Variants in KIF25 observed in about 807,000 individuals in gnomAD.
The protein encoded by KIF25 is kinesin family member 25.
A neutral mutation model predicts 32.9 loss-of-function variants in KIF25; 19 were observed. The ratio of observed to expected loss-of-function variants is 0.58; its 90% CI spans 0.40 to 0.85. The LOEUF (loss-of-function observed/expected upper bound fraction) is 0.85. KIF25 is among the 40% of genes least tolerant of loss of function. KIF25 has a pLI of 0.00. For missense variants in KIF25, 485 were observed against 507.0 expected, an observed-to-expected ratio of 0.96 and a Z score of 0.42; for synonymous variants, 225 against 213.7, an observed-to-expected ratio of 1.05 and a Z score of -0.46.
intron 4 of KIF25, among the ~76,000 whole-genome samples, chr6:168,007,285 G>A (rs1798592340): frequency 1.3e-5 from 2 of 152,136 alleles, no homozygotes; most frequent in South Asian, 4.1e-4. Context: ...GGTGGTGGGC[G>A]CCTGTAGTCC....
At chr6:168,016,673 G>A (rs189306614) in intron 4 of KIF25, among the ~76,000 whole-genome samples, 5 of 152,320 alleles carry the variant, frequency 3.3e-5, no homozygotes, top group East Asian at 1.9e-4. Flanking sequence ...CTTTGGCTTC[G>A]GTGACTTCAT....
Position 168,002,255 on chromosome 6 carries a change from G to A in KIF25, c.-369-288G>A, listed in dbSNP as rs189901327. Among the ~76,000 whole-genome samples, 135 of 113,946 alleles carry A rather than the reference G, an allele frequency of 1.2e-3. 9 individuals are homozygous for A. In the East Asian group the frequency reaches 0.029, roughly 25 times the overall value. The allele number at this position is 113,946 out of a possible 152,430, so 74.8% of individuals were successfully genotyped here. On this transcript the variant is annotated intron_variant, in intron 2 of 12. Coordinates refer to ENST00000643607, the MANE Select transcript of KIF25 (RefSeq NM_030615.4). Reference sequence around the variant, plus strand: ...CAGGTGAGAAAGACACCTGAGGCATGGCCTCGGGCAGGTGAGAAGACACCT... The same window carrying A: ...CAGGTGAGAAAGACACCTGAGGCATAGCCTCGGGCAGGTGAGAAGACACCT...
At chr6:168,031,519 T>TC (rs1798942003) in intron 7 of KIF25, among the ~76,000 whole-genome samples, 1 of 151,672 alleles carries the variant, frequency 6.6e-6, no homozygotes, top group South Asian at 2.1e-4. Flanking sequence ...AGGCACATGA[T>TC]CCAACGAGTA....
At chr6:168,040,564 T>TAAAAAA (rs552500284) in intron 10 of KIF25, among the ~76,000 whole-genome samples, 1 of 146,052 alleles carries the variant, frequency 6.8e-6, no homozygotes, top group African/African-American at 2.5e-5. Flanking sequence ...AAAACTCTGT[T>TAAAAAA]AAAAAAAAAA....
intron 4 of KIF25, among the ~76,000 whole-genome samples, chr6:168,014,233 G>A (rs1798685393): frequency 6.6e-6 from 1 of 152,124 alleles, no homozygotes; most frequent in African/African-American, 2.4e-5. Flanking sequence ...GTTTTTCAGT[G>A]AGGAAATGCA....
chr6:168,011,058 A>T (rs1798641599), intron 4 of KIF25, among the ~76,000 whole-genome samples: 1 of 152,068 alleles, frequency 6.6e-6, no homozygotes, highest in Admixed American at 6.5e-5. Flanking sequence ...TTGTTCTTTA[A>T]TCTGTCAGGC....
chr6:168,028,208 AATTT>A (rs1798891863), intron 5 of KIF25, among the ~76,000 whole-genome samples: 2 of 152,006 alleles, frequency 1.3e-5, no homozygotes, highest in African/African-American at 4.8e-5. Flanking sequence ...AATATTTTAA[AATTT>A]ATTTATTTAA....
chr6:168,017,790 A>G (rs905873085), intron 4 of KIF25, 183 bp from the exon 5 acceptor site: 3 of 152,198 alleles, frequency 2.0e-5, no homozygotes, highest in African/African-American at 7.2e-5. Flanking sequence ...CTCCAACTCA[A>G]TCATCCAGCT....
chr6:168,037,790 A>T (rs1326814492), intron 8 of KIF25, among the ~76,000 whole-genome samples: 1 of 152,098 alleles, frequency 6.6e-6, no homozygotes, highest in East Asian at 1.9e-4. Context: ...GTCTCAGCTC[A>T]CTGAAACCTG....
At chr6:168,027,030 A>G (rs1047279177) in intron 5 of KIF25, among the ~76,000 whole-genome samples, 2 of 152,090 alleles carry the variant, frequency 1.3e-5, no homozygotes, top group Non-Finnish European at 2.9e-5. Flanking sequence ...AGCTGTAGGG[A>G]CCGTTCCCAG....
chr6:168,022,490 A>G (rs1303848572), intron 5 of KIF25, among the ~76,000 whole-genome samples: 1 of 152,150 alleles, frequency 6.6e-6, no homozygotes, highest in East Asian at 1.9e-4. Context: ...CAGTGCTGCA[A>G]TCATAGCTCT....
chr6:168,043,904 G>C (rs1328003913), intron 12 of KIF25, among the ~76,000 whole-genome samples: 1 of 152,252 alleles, frequency 6.6e-6, no homozygotes, highest in Non-Finnish European at 1.5e-5. Context: ...TTCCTCAGGA[G>C]GAGAAGTCCT....
intron 4 of KIF25, among the ~76,000 whole-genome samples, chr6:168,007,135 G>A (rs1340405164): frequency 6.6e-6 from 1 of 152,200 alleles, no homozygotes; most frequent in Admixed American, 6.5e-5. Flanking sequence ...TTACAACTGA[G>A]CATGGTGGCT....
Position 168,040,152 on chromosome 6 carries a change from T to A in KIF25, c.582T>A (p.Asp194Glu), listed in dbSNP as rs184677574. 1.1e-4 allele frequency: 180 copies of A among 1,614,100 alleles called. No homozygotes were observed. The East Asian group carries it at 3.7e-3, about 33-fold the overall frequency. Residue 194 changes from aspartate to glutamate, a missense_variant, in exon 10 of 13, where the codon GAT (aspartate) becomes GAA (glutamate). By Grantham distance (45) the Asp-to-Glu change is conservative. Transcript: ENST00000643607. ...AGCACCCCACCCTGGTGCACGCGGA[T>A]TCCTCCAGGTCTCACCTGATAATTA... ...RAKHPTLVHADSSRSHLIITV... is the reference protein window; with the variant it reads ...RAKHPTLVHAESSRSHLIITV...
Position 168,038,832 on chromosome 6 carries a change from G to A in KIF25, c.494+103G>A, listed in dbSNP as rs76315521. The stretch of plus-strand genomic sequence containing the variant: ...GCACGTCTCTAAACGAGCTCCCCAC[G>A]CCCAAGGATCCCAAGGAGAATCGGC... On this transcript the variant is annotated intron_variant, in intron 9 of 12. Transcript: ENST00000643607. 2.6e-3 allele frequency: 3,067 copies of A among 1,184,168 alleles called. 67 individuals are homozygous for A. In the African/African-American group the frequency reaches 0.04, roughly 15 times the overall value. 73.4% of individuals were successfully genotyped at this position (1,184,168 alleles called of 1,614,324 possible).
At chr6:168,000,731 G>A (rs962410870) in intron 2 of KIF25, among the ~76,000 whole-genome samples, 8 of 152,060 alleles carry the variant, frequency 5.3e-5, no homozygotes, top group South Asian at 2.1e-4. Context: ...AAGGTGCTGC[G>A]CTTCCCGGCT....
chr6:168,035,714 G>C, intron 8 of KIF25: 1 of 456,164 alleles, frequency 2.2e-6, no homozygotes, highest in Non-Finnish European at 4.4e-6. Context: ...GCTGTTCTGA[G>C]TCTCGGGTGC....
intron 12 of KIF25, among the ~76,000 whole-genome samples, chr6:168,043,406 T>G (rs1021409872): frequency 1.3e-5 from 2 of 152,060 alleles, no homozygotes; most frequent in African/African-American, 2.4e-5. Flanking sequence ...GCCACCACAG[T>G]CGGGGGGCTC....
chr6:168,023,866 A>G (rs767046832), intron 5 of KIF25, among the ~76,000 whole-genome samples: 9 of 152,234 alleles, frequency 5.9e-5, no homozygotes, highest in Non-Finnish European at 1.5e-5. Flanking sequence ...ACTTTGCAGA[A>G]TGTGTTTTAC....
Sources: gnomAD v4.1 joint callset for allele counts (sites outside exome capture counted in the v4.1 genomes callset) on GRCh38, gnomAD v4.1.1 for gene constraint, MANE v1.5 for transcripts, NCBI Gene and HGNC (gene_info 2026-07-23, HGNC 2026-07-21) for gene names.